CAB39L: variants seen among roughly 807,000 people sequenced by gnomAD.
CAB39L encodes calcium binding protein 39 like, also known as calcium-binding protein 39-like.
CAB39L carries 23 observed loss-of-function variants against 39.1 expected under a neutral mutation model. The ratio of observed to expected loss-of-function variants is 0.59; its 90% CI spans 0.42 to 0.83. The LOEUF (loss-of-function observed/expected upper bound fraction) is 0.83. Among genes scored for constraint, CAB39L ranks in the 40% least tolerant of loss-of-function variants. The probability of loss-of-function intolerance (pLI) is 0.00; values close to 1 mark genes in which losing one functional copy is unlikely to be tolerated. For missense variants in CAB39L, 366 were observed against 391.9 expected (o/e 0.93, Z 0.56); for synonymous variants, 126 against 137.2 (o/e 0.92, Z 0.57).
intron 1 of CAB39L, among the ~76,000 whole-genome samples, chr13:49,437,716 A>G (rs1957439749): frequency 6.6e-6 from 1 of 152,196 alleles, no homozygotes. Context: ...ATATCAATAA[A>G]TTTGTATGGG....
chr13:49,375,282 T>G (rs1594013336), intron 5 of CAB39L, among the ~76,000 whole-genome samples: 1 of 152,154 alleles, frequency 6.6e-6, no homozygotes, highest in African/African-American at 2.4e-5. Context: ...TTACTGACCA[T>G]GAAAGAGCAG....
Position 49,435,290 on chromosome 13 carries a change from A to G in CAB39L, c.-245-1067T>C, listed in dbSNP as rs555596548. ...TTAATGGGCATTTTAGTTATTTCCA[A>G]TCTTTTGCAAATGCAAGTAATATGC... On this transcript the variant is annotated intron_variant, in intron 1 of 10. Transcript: ENST00000409308. Among the ~76,000 whole-genome samples the G allele has an allele frequency of 1.6e-4, 24 of 152,208 alleles. No individual in the cohort carries two copies. The South Asian group carries it at 4.8e-3, about 30-fold the overall frequency.
At chr13:49,392,491 A>T (rs1956511309) in intron 3 of CAB39L, among the ~76,000 whole-genome samples, 1 of 152,052 alleles carries the variant, frequency 6.6e-6, no homozygotes, top group Non-Finnish European at 1.5e-5. Flanking sequence ...ACAAAAAAAA[A>T]TTAGCTGGGC....
chr13:49,426,256 T>C (rs762185739), intron 3 of CAB39L, among the ~76,000 whole-genome samples: 6 of 152,214 alleles, frequency 3.9e-5, no homozygotes, highest in Admixed American at 1.3e-4. Flanking sequence ...GGCCCTTTTA[T>C]GTGACTGAAA....
rs117506182 is a variant in CAB39L, at chr13:49,382,089, C to G, written c.111+711G>C. The stretch of plus-strand genomic sequence containing the variant: ...CTGAATTTATTGTGGTTTTAGTTGG[C>G]CTTTTCCTAGTTACTAATGAAAATG... On this transcript the variant is annotated intron_variant, in intron 4 of 10. Transcript: ENST00000409308. 3.3e-5 allele frequency among the ~76,000 whole-genome samples: 5 copies of G among 152,176 alleles called. No individual in the cohort carries two copies. The South Asian group carries it at 1.0e-3, about 32-fold the overall frequency.
chr13:49,368,998 C>T (rs1482123553), intron 5 of CAB39L, among the ~76,000 whole-genome samples: 2 of 151,592 alleles, frequency 1.3e-5, no homozygotes, highest in African/African-American at 2.4e-5. Flanking sequence ...AATTCAGCAA[C>T]GAAATTAAAA....
intron 3 of CAB39L, among the ~76,000 whole-genome samples, chr13:49,402,879 T>C (rs960709840): frequency 1.3e-5 from 2 of 152,138 alleles, no homozygotes; most frequent in African/African-American, 2.4e-5. Flanking sequence ...TTTTATAATT[T>C]TTAGAGTTTT....
chr13:49,346,075 G>GATATAT (rs10576159), intron 7 of CAB39L, among the ~76,000 whole-genome samples: 1 of 81,498 alleles, frequency 1.2e-5, no homozygotes, highest in Non-Finnish European at 2.4e-5. Context: ...ATATATGCTA[G>GATATAT]ATATATATAT....
At chr13:49,373,402 CT>C (rs563446253) in intron 5 of CAB39L, among the ~76,000 whole-genome samples, 23 of 152,256 alleles carry the variant, frequency 1.5e-4, no homozygotes, top group African/African-American at 5.1e-4. Flanking sequence ...TGCCATTCTC[CT>C]AGGTTATCTG....
At chr13:49,331,587 T>C (rs1037954051) in intron 10 of CAB39L, among the ~76,000 whole-genome samples, 5 of 152,198 alleles carry the variant, frequency 3.3e-5, no homozygotes, top group African/African-American at 1.2e-4. Flanking sequence ...GACTGTGTCT[T>C]CAGGGCGTCA....
At chr13:49,341,272 G>A (rs369379295) in intron 8 of CAB39L, among the ~76,000 whole-genome samples, 1 of 128,346 alleles carries the variant, frequency 7.8e-6, no homozygotes, top group South Asian at 2.5e-4. Context: ...TTTTTTTTTT[G>A]AGACCAAGTC....
intron 10 of CAB39L, among the ~76,000 whole-genome samples, chr13:49,321,865 G>A (rs1344953053): frequency 6.6e-6 from 1 of 152,140 alleles, no homozygotes; most frequent in East Asian, 1.9e-4. Flanking sequence ...CTTCCTTAGA[G>A]TAACAGAACA....
At chr13:49,402,807 C>G (rs1956801644) in intron 3 of CAB39L, among the ~76,000 whole-genome samples, 1 of 151,918 alleles carries the variant, frequency 6.6e-6, no homozygotes, top group Non-Finnish European at 1.5e-5. Flanking sequence ...TTCTTAGCAC[C>G]TATTAAATAG....
chr13:49,361,008 G>A (rs1346754018), intron 5 of CAB39L, among the ~76,000 whole-genome samples: 1 of 152,110 alleles, frequency 6.6e-6, no homozygotes, highest in African/African-American at 2.4e-5. Flanking sequence ...TTCTCAATCA[G>A]TATGGCCCTA....
chr13:49,434,002 CG>C (rs1448102385), intron 2 of CAB39L, 83 bp downstream of exon 2: 3 of 341,882 alleles, frequency 8.8e-6, no homozygotes, highest in Non-Finnish European at 1.7e-5. Context: ...CAGTCACCAG[CG>C]ACAATTTCTG....
At chr13:49,426,661 G>A (rs1414048466) in intron 3 of CAB39L, among the ~76,000 whole-genome samples, 4 of 152,148 alleles carry the variant, frequency 2.6e-5, no homozygotes, top group African/African-American at 9.7e-5. Flanking sequence ...CCCTGACCTC[G>A]TGATCTGCCT....
In CAB39L at chr13:49,322,661, A is replaced by G. The variant is rs367575955; in HGVS notation, c.834+9286T>C. On this transcript the variant is annotated intron_variant, in intron 10 of 10. Transcript: ENST00000409308. The stretch of plus-strand genomic sequence containing the variant: ...AAAGAGGAATTCATACTTCTAATAT[A>G]CTTTATCACAGTCAATTGTAGAAAG... 1.1e-4 allele frequency among the ~76,000 whole-genome samples: 17 copies of G among 152,324 alleles called. No homozygotes were observed. In the South Asian group the frequency reaches 3.5e-3, roughly 32 times the overall value.
intron 5 of CAB39L, among the ~76,000 whole-genome samples, chr13:49,364,948 T>A (rs981077395): frequency 6.6e-6 from 1 of 152,110 alleles, no homozygotes; most frequent in Non-Finnish European, 1.5e-5. Flanking sequence ...AAAACCATCC[T>A]AAAATTTACA....
chr13:49,367,829 G>A (rs1955810279), intron 5 of CAB39L, among the ~76,000 whole-genome samples: 1 of 151,800 alleles, frequency 6.6e-6, no homozygotes, highest in East Asian at 1.9e-4. Flanking sequence ...TATGTGGGAG[G>A]ATCACTTGAG....
Sources: allele counts gnomAD v4.1 joint callset (sites outside exome capture counted in the v4.1 genomes callset), GRCh38; gene constraint gnomAD v4.1.1; transcripts MANE v1.5; gene names NCBI Gene and HGNC (gene_info 2026-07-23, HGNC 2026-07-21).